Variants in PLEKHG1 observed in about 807,000 individuals in gnomAD.
PLEKHG1 encodes pleckstrin homology domain-containing family G member 1.
Under a neutral mutation model 100.8 loss-of-function variants are expected in PLEKHG1, and 44 were observed. That is an observed-to-expected ratio of 0.44 (90% CI 0.34 to 0.56). PLEKHG1 has a LOEUF of 0.56. PLEKHG1 is among the 20% of genes least tolerant of loss of function. PLEKHG1 has a pLI of 0.01. For missense variants in PLEKHG1, 1,545 were observed against 1,720.9 expected (o/e 0.90, Z 1.81); for synonymous variants, 640 against 662.5 (o/e 0.97, Z 0.52).
At chr6:150,646,903 A>G (rs1182448005) in intron 2 of PLEKHG1, among the ~76,000 whole-genome samples, 2 of 152,158 alleles carry the variant, frequency 1.3e-5, no homozygotes, top group African/African-American at 2.4e-5. Context: ...TGGTAGATTT[A>G]CCCTTTTGGC....
chr6:150,670,746 C>T (rs1335092654), intron 3 of PLEKHG1, among the ~76,000 whole-genome samples: 13 of 152,176 alleles, frequency 8.5e-5, no homozygotes, highest in Non-Finnish European at 1.5e-4. Context: ...ATAATGTTAA[C>T]GCTTATGTTG....
chr6:150,715,189 T>C (rs1413384640), intron 3 of PLEKHG1, among the ~76,000 whole-genome samples: 1 of 152,186 alleles, frequency 6.6e-6, no homozygotes, highest in Admixed American at 6.5e-5. Context: ...AAATAATTTT[T>C]TTTAAAAAAA....
intron 3 of PLEKHG1, among the ~76,000 whole-genome samples, chr6:150,702,336 A>G (rs4869688): frequency 0.55 from 83,747 of 151,860 alleles, 23,475 homozygotes; most frequent in African/African-American, 0.67. Flanking sequence ...TGGGTGTGGT[A>G]GCACATGCCT....
rs572995505 is a variant in PLEKHG1 at position 150,819,782 on chromosome 6, A to G, written c.1408+8A>G. The G allele has an allele frequency of 6.7e-7, 1 of 1,498,962 alleles. No individual in the cohort carries two copies. Among genetic ancestry groups the G allele is most frequent in the South Asian group, 1.1e-5 (1 of 88,790 alleles). The allele number at this position is 1,498,962 out of a possible 1,614,324, so 92.9% of individuals were successfully genotyped here. ...GGCTGAGAAGAAAATCTGGTAAGTA[A>G]GATGTTGTCATAAAAATTTAATTCT... On this transcript the variant is annotated splice_region_variant and intron_variant, in intron 12 of 15. Coordinates refer to ENST00000358517, the Ensembl canonical transcript of PLEKHG1.
At chr6:150,836,288 G>C (rs1173733360) in intron 15 of PLEKHG1, among the ~76,000 whole-genome samples, 1 of 152,154 alleles carries the variant, frequency 6.6e-6, no homozygotes, top group Non-Finnish European at 1.5e-5. Context: ...TGAGGCAGCA[G>C]AATCGCTTGA....
In PLEKHG1 at chr6:150,786,440, C is replaced by G. The variant is rs61745400; in HGVS notation, c.563C>G (p.Ala188Gly). 1.2e-3 allele frequency: 1,879 copies of G among 1,612,038 alleles called. 22 individuals carry two copies. The African/African-American group carries it at 0.023, about 19-fold the overall frequency. The change falls in exon 4 of 16, where the codon GCA becomes GGA. Residue 188 changes from alanine to glycine, a missense_variant. Ala to Gly is a moderately conservative substitution (Grantham distance 60). Coordinates refer to ENST00000358517, the Ensembl canonical transcript of PLEKHG1. ...TGTGAAAATGATCCTGTGGCCATAGCAGAGTGTTTTGTGTCCAAGGTAAGC... is the reference window on the plus strand; with the variant it reads ...TGTGAAAATGATCCTGTGGCCATAGGAGAGTGTTTTGTGTCCAAGGTAAGC...
At chr6:150,675,810 G>T (rs1779735191) in intron 3 of PLEKHG1, among the ~76,000 whole-genome samples, 1 of 152,132 alleles carries the variant, frequency 6.6e-6, no homozygotes. Context: ...TTTCTTAGTG[G>T]GGGGAAAAGC....
intron 1 of PLEKHG1, among the ~76,000 whole-genome samples, chr6:150,612,047 C>CG (rs1554251549): frequency 8.0e-5 from 1 of 12,478 alleles, no homozygotes; most frequent in Non-Finnish European, 2.1e-4. Flanking sequence ...GGTGTTGTTC[C>CG]CCCCCCCCCC....
At chr6:150,802,667 T>TC (rs1554275958) in intron 6 of PLEKHG1, among the ~76,000 whole-genome samples, 4 of 146,184 alleles carry the variant, frequency 2.7e-5, no homozygotes, top group Non-Finnish European at 3.0e-5. Flanking sequence ...TCACATCATT[T>TC]TTTTTTTTTT....
chr6:150,665,403 G>C (rs920156085), intron 3 of PLEKHG1, among the ~76,000 whole-genome samples: 2 of 152,198 alleles, frequency 1.3e-5, no homozygotes, highest in Admixed American at 6.5e-5. Flanking sequence ...GGCCGAGGCA[G>C]GTAGATCACG....
Position 150,600,260 on chromosome 6 carries a change from C to T in PLEKHG1, c.-204+243C>T, listed in dbSNP as rs1170736166. Among the ~76,000 whole-genome samples, 1 of 150,916 alleles carries T rather than the reference C, an allele frequency of 6.6e-6. No homozygotes were observed. The stretch of plus-strand genomic sequence containing the variant: ...TGGGGACGGAGGGCGCTGGGGGGCG[C>T]CGCGTCTCGGGGGTCGGAGTCGGGT... On this transcript the variant is annotated intron_variant, in intron 1 of 3. Transcript: ENST00000367326. This position sits in a 1 kb window ranked among gnomAD's most constrained non-coding sequence, Gnocchi z 6.2.
At chr6:150,786,282 A>G in intron 3 of PLEKHG1, 108 bp from the exon 5 acceptor site, 2 of 742,868 alleles carry the variant, frequency 2.7e-6, no homozygotes, top group Middle Eastern at 2.5e-4. Flanking sequence ...ATCCAATTAT[A>G]TGATTCCTTG....
intron 3 of PLEKHG1, among the ~76,000 whole-genome samples, chr6:150,773,817 C>T (rs1358183093): frequency 6.6e-6 from 1 of 152,174 alleles, no homozygotes; most frequent in African/African-American, 2.4e-5. Flanking sequence ...TTACTGTCAT[C>T]CCATCCATAA....
intron 3 of PLEKHG1, among the ~76,000 whole-genome samples, chr6:150,784,647 A>G (rs974945212): frequency 6.6e-6 from 1 of 152,232 alleles, no homozygotes; most frequent in Non-Finnish European, 1.5e-5. Context: ...GTTGGAGCAG[A>G]GGTCACCAAG....
exon 6 of PLEKHG1, chr6:150,800,820 A>G (rs1471914100): frequency 1.2e-6 from 2 of 1,614,092 alleles, no homozygotes; most frequent in Non-Finnish European, 1.7e-6. Flanking sequence ...CTGGGGTCCT[A>G]TCTCTTGAAA....
chr6:150,840,811 G>C, exon 16 of PLEKHG1: 9 of 1,614,130 alleles, frequency 5.6e-6, no homozygotes, highest in Non-Finnish European at 6.8e-6. Context: ...GACTATCTTT[G>C]GAGGGGGCCA....
At chr6:150,808,709 G>A (rs139493028) in intron 7 of PLEKHG1, among the ~76,000 whole-genome samples, 103 of 152,176 alleles carry the variant, frequency 6.8e-4, no homozygotes, top group Admixed American at 1.8e-3. Context: ...CCCTGATCGC[G>A]CCACTTCCCT....
chr6:150,816,326 C>CTT (rs1173343082), intron 10 of PLEKHG1, among the ~76,000 whole-genome samples: 994 of 41,058 alleles, frequency 0.024, 315 homozygotes, highest in African/African-American at 0.029. Flanking sequence ...CTCAAACATA[C>CTT]TTTTTTTTTT....
intron 10 of PLEKHG1, among the ~76,000 whole-genome samples, chr6:150,810,071 G>A (rs118023991): frequency 0.021 from 3,172 of 152,028 alleles, 48 homozygotes; most frequent in East Asian, 0.07. Context: ...CAAGGCAGGT[G>A]GAACACTTGA....
Sources: allele counts gnomAD v4.1 joint callset (sites outside exome capture counted in the v4.1 genomes callset), GRCh38; gene constraint gnomAD v4.1.1; non-coding constraint Gnocchi (gnomAD v3.1); transcripts MANE v1.5; gene names NCBI Gene and HGNC (gene_info 2026-07-23, HGNC 2026-07-21).